Variants in NPAS2 observed in about 807,000 individuals in gnomAD.
NPAS2 encodes the protein neuronal PAS domain protein 2.
A neutral mutation model predicts 107.5 loss-of-function variants in NPAS2; 23 were observed. The ratio of observed to expected loss-of-function variants is 0.21; its 90% CI spans 0.15 to 0.30. The LOEUF is 0.30. Among genes scored for constraint, NPAS2 ranks in the 10% least tolerant of loss-of-function variants. The pLI is 1.00. For missense variants in NPAS2, 756 were observed against 1,043.3 expected (o/e 0.72, Z 3.79); for synonymous variants, 403 against 417.5 (o/e 0.97, Z 0.42).
intron 1 of NPAS2, among the ~76,000 whole-genome samples, chr2:100,864,475 A>T (rs540626687): frequency 6.6e-6 from 1 of 152,154 alleles, no homozygotes; most frequent in African/African-American, 2.4e-5. Context: ...TTAGCCAACA[A>T]CTCCTTGGAA....
Position 100,968,323 on chromosome 2 carries a change from T to G in NPAS2, c.950T>G (p.Leu317Arg), listed in dbSNP as rs1429878320. 6.2e-7 allele frequency: 1 copy of G among 1,614,206 alleles called. No individual in the cohort carries two copies. The highest frequency in any genetic ancestry group is 1.1e-5 in the South Asian group (1 of 91,090). The change falls in exon 11 of 21, where the codon CTG becomes CGG. Residue 317 changes from leucine to arginine, a missense_variant. By Grantham distance (102) the Leu-to-Arg change is moderately radical. Around this residue, in one of 4 missense-constraint regions of NPAS2, gnomAD observed 84 missense variants for 175.5 expected, o/e 0.48. Transcript: ENST00000335681. The surrounding 1 kb of genome is among the most constrained non-coding windows in gnomAD (Gnocchi z 5.3). ...GGGAAGTCGTGTTGCTACCGGTTTC[T>G]GACCAAAGGTCAGCAGTGGATCTGG... ...GKGKSCCYRFLTKGQQWIWLQ... is the reference protein window; with the variant it reads ...GKGKSCCYRFRTKGQQWIWLQ...
intron 2 of NPAS2, among the ~76,000 whole-genome samples, chr2:100,905,722 C>T (rs1455804748): frequency 2.6e-5 from 4 of 152,170 alleles, no homozygotes; most frequent in East Asian, 3.9e-4. Context: ...CAGGGCTCTC[C>T]GTCCTCTGTG....
chr2:100,874,151 AT>A (rs935407381), intron 1 of NPAS2, among the ~76,000 whole-genome samples: 1 of 151,646 alleles, frequency 6.6e-6, no homozygotes, highest in Non-Finnish European at 1.5e-5. Context: ...CACCTGGCTA[AT>A]TTTTTTATCT....
intron 1 of NPAS2, among the ~76,000 whole-genome samples, chr2:100,864,664 A>C (rs958537840): frequency 2.0e-5 from 3 of 152,346 alleles, no homozygotes; most frequent in African/African-American, 7.2e-5. Context: ...TTAGTCTTTA[A>C]AGTGACTGTT....
chr2:100,843,894 TAAGCCATTCCAG>T (rs1184827197), intron 1 of NPAS2, among the ~76,000 whole-genome samples: 1 of 152,186 alleles, frequency 6.6e-6, no homozygotes, highest in Admixed American at 6.5e-5. Context: ...GGTGTCCTGA[TAAGCCATTCCAG>T]AACTAAGGAA....
At chr2:100,910,082 G>T (rs1211852908) in intron 2 of NPAS2, among the ~76,000 whole-genome samples, 1 of 152,150 alleles carries the variant, frequency 6.6e-6, no homozygotes, top group Non-Finnish European at 1.5e-5. Context: ...CTCTCTGGGG[G>T]CATCTGAGGC....
At chr2:100,870,514 A>G (rs1288564335) in intron 1 of NPAS2, among the ~76,000 whole-genome samples, 1 of 150,012 alleles carries the variant, frequency 6.7e-6, no homozygotes, top group Non-Finnish European at 1.5e-5. Flanking sequence ...TCCTACCTCC[A>G]CCTCCCGAGT....
chr2:100,969,365 C>T (rs1316791174), intron 11 of NPAS2, among the ~76,000 whole-genome samples: 9 of 152,222 alleles, frequency 5.9e-5, no homozygotes, highest in Admixed American at 5.2e-4. Context: ...TACCACCACC[C>T]CTGTCAGGCC....
chr2:100,960,801 G>A (rs1675872893), intron 7 of NPAS2, among the ~76,000 whole-genome samples: 1 of 152,038 alleles, frequency 6.6e-6, no homozygotes, highest in Non-Finnish European at 1.5e-5. Context: ...GTGTCTTCCC[G>A]AACTGGACCT....
intron 1 of NPAS2, among the ~76,000 whole-genome samples, chr2:100,830,126 CA>C (rs1465559476): frequency 2.0e-5 from 3 of 152,136 alleles, no homozygotes; most frequent in Non-Finnish European, 4.4e-5. Flanking sequence ...TGAGGCATCC[CA>C]AATATCCTAA....
At chr2:100,975,614 G>A in intron 14 of NPAS2, 47 bp downstream of exon 14, 1 of 1,403,016 alleles carries the variant, frequency 7.1e-7, no homozygotes, top group Non-Finnish European at 9.8e-7. Context: ...GCTACAATGT[G>A]GTGGGGGCTG....
chr2:100,959,101 AAAAAAAAAC>A (rs1259530527), intron 7 of NPAS2, among the ~76,000 whole-genome samples: 13 of 99,360 alleles, frequency 1.3e-4, no homozygotes, highest in African/African-American at 5.1e-4. Context: ...AAAAAAAAAA[AAAAAAAAAC>A]AAAACTAAAA....
upstream of NPAS2, among the ~76,000 whole-genome samples, chr2:100,819,288 C>T (rs1424437352): frequency 6.6e-6 from 1 of 152,174 alleles, no homozygotes; most frequent in Non-Finnish European, 1.5e-5. The surrounding 1 kb of genome is among the most constrained non-coding windows in gnomAD (Gnocchi z 5.8). Context: ...CCGCTCCTGG[C>T]CGCAGCCCCA....
Position 100,925,206 on chromosome 2 carries a change from G to A in NPAS2, c.93G>A (p.Glu31=), listed in dbSNP as rs113942803. The A allele has an allele frequency of 9.9e-6, 16 of 1,614,148 alleles. No homozygotes were observed. Among genetic ancestry groups the A allele is most frequent in the Middle Eastern group, 1.7e-4 (1 of 6,060 alleles). ...RRDQFNVLIK[E]LSSMLPGNTR... ...ACCAGTTCAATGTTCTCATCAAAGA[G>A]CTCAGTTCCATGCTCCCTGGCAACA... The change falls in exon 3 of 21, where the codon GAG becomes GAA. Residue 31 remains glutamate, a synonymous_variant. Coordinates refer to ENST00000335681, the MANE Select transcript of NPAS2 (RefSeq NM_002518.4).
At chr2:100,827,332 A>T (rs1676451226) in intron 1 of NPAS2, among the ~76,000 whole-genome samples, 1 of 152,222 alleles carries the variant, frequency 6.6e-6, no homozygotes, top group Non-Finnish European at 1.5e-5. Context: ...TTACGTAAAC[A>T]CTTCGTACAT....
intron 1 of NPAS2, among the ~76,000 whole-genome samples, chr2:100,851,002 C>A: frequency 7.0e-6 from 1 of 142,160 alleles, no homozygotes; most frequent in Admixed American, 7.1e-5. Flanking sequence ...CTGACCCATG[C>A]TACCACATGG....
intron 1 of NPAS2, among the ~76,000 whole-genome samples, chr2:100,872,430 T>C (rs1679639198): frequency 6.6e-6 from 1 of 152,204 alleles, no homozygotes; most frequent in African/African-American, 2.4e-5. Flanking sequence ...TCATAATATA[T>C]TATTTAATCT....
chr2:100,882,330 C>T (rs539260670), intron 1 of NPAS2, among the ~76,000 whole-genome samples: 2 of 152,200 alleles, frequency 1.3e-5, no homozygotes, highest in Non-Finnish European at 2.9e-5. Context: ...AAACAAACAG[C>T]CGGGCGCAGT....
At chr2:100,850,622 T>A (rs964496565) in intron 1 of NPAS2, among the ~76,000 whole-genome samples, 2 of 152,118 alleles carry the variant, frequency 1.3e-5, no homozygotes, top group Admixed American at 1.3e-4. Flanking sequence ...AAATAAAATA[T>A]GGTTTATAGG....
Sources: allele counts gnomAD v4.1 joint callset (sites outside exome capture counted in the v4.1 genomes callset), GRCh38; gene constraint gnomAD v4.1.1; regional missense constraint gnomAD v4.1.1; non-coding constraint Gnocchi (gnomAD v3.1); transcripts MANE v1.5; gene names NCBI Gene and HGNC (gene_info 2026-07-23, HGNC 2026-07-21).